The following CELF2 variants were observed in gnomAD, a reference collection of about 807,000 sequenced individuals.
CELF2 encodes CUGBP Elav-like family member 2.
CELF2 carries 8 observed loss-of-function variants against 62.6 expected under a neutral mutation model. The ratio of observed to expected loss-of-function variants is 0.13; its 90% confidence interval spans 0.07 to 0.23. The LOEUF (loss-of-function observed/expected upper bound fraction) is 0.23. Among genes scored for constraint, CELF2 ranks in the 10% least tolerant of loss-of-function variants. The probability of loss-of-function intolerance (pLI) is 1.00; values close to 1 mark genes in which losing one functional copy is unlikely to be tolerated. For missense variants in CELF2, 333 were observed against 671.0 expected (o/e 0.50, Z 5.56); for synonymous variants, 258 against 250.0 (o/e 1.03, Z -0.30).
At chr10:10,830,344 T>C (rs1590905797) in intron 1 of CELF2, among the ~76,000 whole-genome samples, 1 of 150,964 alleles carries the variant, frequency 6.6e-6, no homozygotes, top group Admixed American at 6.6e-5. Context: ...TCAAACAGTA[T>C]TTATAGCAGA....
rs2095334622 is a variant in CELF2 at position 11,319,952 on chromosome 10, T to C, written c.1097-1237T>C. 3 of 459,860 alleles carry C rather than the reference T, an allele frequency of 6.5e-6. No individual in the cohort carries two copies. The Admixed American group carries it at 7.1e-5, about 11-fold the overall frequency. The allele number at this position is 459,860 out of a possible 1,614,324, so 28.5% of individuals were successfully genotyped here. Reference sequence around the variant, plus strand: ...CTGGTGTTTCCAGGCAGCCTTACCTTAGCTGTCCTCCATTCTCATTAGACT... The same window carrying C: ...CTGGTGTTTCCAGGCAGCCTTACCTCAGCTGTCCTCCATTCTCATTAGACT... On this transcript the variant is annotated intron_variant, in intron 10 of 12. Coordinates refer to ENST00000633077, the MANE Select transcript of CELF2 (RefSeq NM_001326342.2). The surrounding 1 kb of genome is among the most constrained non-coding windows in gnomAD (Gnocchi z 4.4).
intron 1 of CELF2, among the ~76,000 whole-genome samples, chr10:11,080,754 G>A (rs554185290): frequency 6.6e-6 from 1 of 152,352 alleles, no homozygotes; most frequent in East Asian, 1.9e-4. Flanking sequence ...TCCGGAGGTG[G>A]AGGAGGATGC....
At chr10:11,030,466 G>A (rs1434579053) in intron 1 of CELF2, 2 of 152,122 alleles carry the variant, frequency 1.3e-5, no homozygotes, top group African/African-American at 2.4e-5. Flanking sequence ...TCCAAAGCCC[G>A]AGGTCCCACT....
chr10:10,689,633 C>T, the CELF2 span, among the ~76,000 whole-genome samples: 4 of 152,100 alleles, frequency 2.6e-5, no homozygotes, highest in Admixed American at 2.6e-4. Context: ...AACGAATTTA[C>T]TCCTAAGCTA....
At position 11,243,842 on chromosome 10, in the gene CELF2, A is replaced by T. The variant is rs2074771431; in HGVS notation, c.355-5311A>T. Among the ~76,000 whole-genome samples the T allele has an allele frequency of 6.6e-6, 1 of 152,220 alleles. No individual in the cohort carries two copies. The highest frequency in any genetic ancestry group is 1.5e-5 in the Non-Finnish European group (1 of 68,044). On this transcript the variant is annotated intron_variant, in intron 3 of 12. Transcript: ENST00000633077. This position sits in a 1 kb window ranked among gnomAD's most constrained non-coding sequence, Gnocchi z 4.1. ...GTGGCTGGAGATGCAGCCTCAGTTT[A>T]ATTAGCACACGTCTCTTCAGAGACT... is the stretch of plus-strand genomic sequence containing the variant.
the CELF2 span, among the ~76,000 whole-genome samples, chr10:10,618,305 G>T: frequency 6.6e-6 from 1 of 151,974 alleles, no homozygotes; most frequent in African/African-American, 2.4e-5. Context: ...TTCCCATCCA[G>T]CCTCTTCCCT....
the CELF2 span, among the ~76,000 whole-genome samples, chr10:10,740,153 C>CTTT: frequency 0.011 from 1,003 of 94,442 alleles, 100 homozygotes; most frequent in African/African-American, 0.039. Flanking sequence ...GTTGCCTGTG[C>CTTT]TTTTTTTTTT....
chr10:10,966,827 T>G (rs937500031), intron 2 of CELF2: 1 of 152,282 alleles, frequency 6.6e-6, no homozygotes, highest in South Asian at 2.1e-4. Context: ...TCTCTATCAT[T>G]GTGAGGTAAG....
Position 11,280,528 on chromosome 10 carries a change from C to G in CELF2, c.841+5408C>G, listed in dbSNP as rs1291515469. On this transcript the variant is annotated intron_variant, in intron 8 of 12. Coordinates refer to ENST00000633077, the MANE Select transcript of CELF2 (RefSeq NM_001326342.2). This position sits in a 1 kb window ranked among gnomAD's most constrained non-coding sequence, Gnocchi z 7.6. ...TCTGTGGTGGGAGGAGCCAAGACAT[C>G]AGCCACCAGGGACGTGCATCGTTGC... 6.6e-6 allele frequency among the ~76,000 whole-genome samples: 1 copy of G among 152,354 alleles called. No homozygotes were observed. Among genetic ancestry groups the G allele is most frequent in the Non-Finnish European group, 1.5e-5 (1 of 68,036 alleles).
chr10:11,058,974 G>A (rs1428910706), intron 1 of CELF2, among the ~76,000 whole-genome samples: 1 of 152,080 alleles, frequency 6.6e-6, no homozygotes, highest in Non-Finnish European at 1.5e-5. Flanking sequence ...TGAGACGGGG[G>A]GTTTCGCCAT....
intron 1 of CELF2, chr10:11,071,558 C>G (rs933286990): frequency 1.3e-5 from 2 of 152,132 alleles, no homozygotes; most frequent in Non-Finnish European, 2.9e-5. Flanking sequence ...ACTCAAAACC[C>G]AGATTTTGGG....
chr10:10,675,225 C>G, the CELF2 span, among the ~76,000 whole-genome samples: 1 of 152,124 alleles, frequency 6.6e-6, no homozygotes, highest in African/African-American at 2.4e-5. Flanking sequence ...CCTTATTTCT[C>G]CCTCACTACT....
chr10:10,826,640 G>A (rs1309086008), intron 1 of CELF2, among the ~76,000 whole-genome samples: 1 of 152,146 alleles, frequency 6.6e-6, no homozygotes, highest in African/African-American at 2.4e-5. Context: ...TACTGTGAGT[G>A]GACAGAAGGT....
At chr10:10,480,307 T>C in the CELF2 span, among the ~76,000 whole-genome samples, 1 of 152,312 alleles carries the variant, frequency 6.6e-6, no homozygotes, top group African/African-American at 2.4e-5. Flanking sequence ...AGAGGAGCAC[T>C]GAAGCAGTGG....
chr10:11,264,260 G>T (rs560462589), intron 5 of CELF2, among the ~76,000 whole-genome samples: 14 of 152,230 alleles, frequency 9.2e-5, no homozygotes, highest in Non-Finnish European at 1.8e-4. Context: ...GATAATTGCT[G>T]TATCTTTCTC....
chr10:10,737,037 G>A, the CELF2 span, among the ~76,000 whole-genome samples: 1 of 151,992 alleles, frequency 6.6e-6, no homozygotes, highest in Non-Finnish European at 1.5e-5. Flanking sequence ...CAGACCCTAT[G>A]ACGGATGAGC....
chr10:10,973,093 C>T (rs1050972908), intron 2 of CELF2, among the ~76,000 whole-genome samples: 1 of 151,706 alleles, frequency 6.6e-6, no homozygotes, highest in Non-Finnish European at 1.5e-5. Flanking sequence ...AGTTCGAGAC[C>T]AGCCTGGCCA....
At chr10:10,752,548 A>T in the CELF2 span, among the ~76,000 whole-genome samples, 1 of 151,544 alleles carries the variant, frequency 6.6e-6, no homozygotes, top group Non-Finnish European at 1.5e-5. Context: ...AAATTAGCTG[A>T]GCGTGGTGGT....
chr10:11,027,295 G>A (rs1264953855), intron 1 of CELF2, among the ~76,000 whole-genome samples: 2 of 152,186 alleles, frequency 1.3e-5, no homozygotes, highest in East Asian at 1.9e-4. Flanking sequence ...CTGTCTGCTC[G>A]TTCCCCCTTT....
Sources: allele counts gnomAD v4.1 joint callset (sites outside exome capture counted in the v4.1 genomes callset), GRCh38; gene constraint gnomAD v4.1.1; non-coding constraint Gnocchi (gnomAD v3.1); transcripts MANE v1.5; gene names NCBI Gene and HGNC (gene_info 2026-07-23, HGNC 2026-07-21).